The following RBM33 variants were observed in gnomAD, a reference collection of about 807,000 sequenced individuals.
RBM33 encodes RNA-binding protein 33.
Under a neutral mutation model 132.6 loss-of-function variants are expected in RBM33, and 28 were observed. The observed-to-expected ratio is 0.21, with a 90% CI of 0.16 to 0.29. RBM33 has a LOEUF of 0.29. Ranked by LOEUF, RBM33 falls within the 10% of genes least tolerant of loss-of-function variation. The probability of loss-of-function intolerance (pLI) is 1.00; values close to 1 mark genes in which losing one functional copy is unlikely to be tolerated. For missense variants in RBM33, 1,291 were observed against 1,518.5 expected (o/e 0.85, Z 2.49); for synonymous variants, 634 against 593.0 (o/e 1.07, Z -1.01).
At chr7:155,713,346 A>G (rs987174697) in intron 8 of RBM33, among the ~76,000 whole-genome samples, 5 of 152,082 alleles carry the variant, frequency 3.3e-5, no homozygotes, top group African/African-American at 1.2e-4. Context: ...CCCTCAAATG[A>G]GAGCCCTGGA....
chr7:155,670,833 A>G (rs535332430), intron 2 of RBM33, among the ~76,000 whole-genome samples: 61 of 152,260 alleles, frequency 4.0e-4, no homozygotes, highest in African/African-American at 1.5e-3. Context: ...ACTAGTCTTC[A>G]TTTTCTCTAC....
intron 9 of RBM33, among the ~76,000 whole-genome samples, chr7:155,729,731 T>C (rs988088473): frequency 2.8e-5 from 4 of 142,422 alleles, no homozygotes; most frequent in African/African-American, 1.1e-4. Flanking sequence ...AGCAAGACCC[T>C]GTCTCTTTAA....
rs867621281 is a variant in RBM33, at chr7:155,705,970, A to G, written c.740-890A>G. Reference sequence around the variant, plus strand: ...AGTTTTAAGAAAATAAATACAAAAAATTGAAATGATATGTATTAAATTGAG... The same window carrying G: ...AGTTTTAAGAAAATAAATACAAAAAGTTGAAATGATATGTATTAAATTGAG... On this transcript the variant is annotated intron_variant, in intron 6 of 17. Transcript: ENST00000401878. Among the ~76,000 whole-genome samples, 5 of 152,362 alleles carry G rather than the reference A, an allele frequency of 3.3e-5. No individual in the cohort carries two copies. The South Asian group carries it at 1.0e-3, about 32-fold the overall frequency.
At chr7:155,704,287 AGG>A (rs1450437270) in intron 6 of RBM33, among the ~76,000 whole-genome samples, 2 of 152,164 alleles carry the variant, frequency 1.3e-5, no homozygotes, top group Non-Finnish European at 2.9e-5. Context: ...TTGCTCTATC[AGG>A]ATTGTGGAAA....
In RBM33 at chr7:155,673,796, A is replaced by ACACACACACACC. The variant is rs1799074511; in HGVS notation, c.171+886_171+887insACACACCCACAC. ...CACACACACACACACACACACACAC[A>ACACACACACACC]CACACCCCTACCAGTATATTTCGGA... is the stretch of plus-strand genomic sequence containing the variant. On this transcript the variant is annotated intron_variant, in intron 3 of 17. Transcript: ENST00000401878. 2.1e-5 allele frequency among the ~76,000 whole-genome samples: 3 copies of ACACACACACACC among 142,892 alleles called. No individual in the cohort carries two copies. In the East Asian group the frequency reaches 5.8e-4, roughly 28 times the overall value. 93.7% of individuals were successfully genotyped at this position (142,892 alleles called of 152,430 possible). A position where few individuals can be genotyped will look rare whatever the true frequency, so the allele number is the denominator to read the frequency against.
At position 155,775,116 on chromosome 7, in the gene RBM33, A is replaced by G; in HGVS notation, c.*75A>G. On this transcript the variant is annotated 3_prime_UTR_variant, in exon 18 of 18. Transcript: ENST00000401878. ...CTTCAAGGGAGCTGCCGGCCGGCGC[A>G]GAACCCCCAGGAGCACAGGTCTCTC... is the stretch of plus-strand genomic sequence containing the variant. The G allele has an allele frequency of 7.6e-7, 1 of 1,316,624 alleles. No homozygotes were observed. Among genetic ancestry groups the G allele is most frequent in the South Asian group, 1.2e-5 (1 of 84,848 alleles). 81.6% of individuals were successfully genotyped at this position (1,316,624 alleles called of 1,614,324 possible). A position where few individuals can be genotyped will look rare whatever the true frequency, so the allele number is the denominator to read the frequency against.
chr7:155,712,464 ATTGT>A (rs1800334611), intron 8 of RBM33, among the ~76,000 whole-genome samples: 1 of 152,222 alleles, frequency 6.6e-6, no homozygotes, highest in African/African-American at 2.4e-5. Flanking sequence ...CAGTCTTATT[ATTGT>A]TTATTAGCAG....
rs1802756235 is a variant in RBM33 at position 155,779,919 on chromosome 7, T to C, written c.*4878T>C. On this transcript the variant is annotated 3_prime_UTR_variant, in exon 18 of 18. Coordinates refer to ENST00000401878, the MANE Select transcript of RBM33 (RefSeq NM_053043.3). Reference sequence around the variant, plus strand: ...GTCTTCATGTTGATATTTTGCTTGGTTTTATTTTACTGATTTTAAAAGGTA... The same window carrying C: ...GTCTTCATGTTGATATTTTGCTTGGCTTTATTTTACTGATTTTAAAAGGTA... The C allele has an allele frequency of 6.6e-6, 1 of 152,212 alleles. No individual in the cohort carries two copies. Among genetic ancestry groups the C allele is most frequent in the Admixed American group, 6.5e-5 (1 of 15,286 alleles). 9.4% of individuals were successfully genotyped at this position (152,212 alleles called of 1,614,324 possible).
At chr7:155,744,940 C>T (rs1438073095) in intron 13 of RBM33, 21 bp from the exon 14 acceptor site, 3 of 1,531,840 alleles carry the variant, frequency 2.0e-6, no homozygotes, top group Admixed American at 2.2e-5. Flanking sequence ...CAAAGTAAAC[C>T]GTGTATGTTT....
intron 14 of RBM33, among the ~76,000 whole-genome samples, chr7:155,756,423 TGAA>T (rs1801853327): frequency 6.6e-6 from 1 of 152,202 alleles, no homozygotes; most frequent in African/African-American, 2.4e-5. Flanking sequence ...TGTAATCAGT[TGAA>T]GAATTTGTTC....
rs1585566369 is a variant in RBM33, at chr7:155,780,549, T to C, written c.*5508T>C. 2 of 152,564 alleles carry C rather than the reference T, an allele frequency of 1.3e-5. No individual in the cohort carries two copies. The highest frequency in any genetic ancestry group is 1.3e-4 in the Admixed American group (2 of 15,308). The allele number at this position is 152,564 out of a possible 1,614,324, so 9.5% of individuals were successfully genotyped here. A position where few individuals can be genotyped will look rare whatever the true frequency, so the allele number is the denominator to read the frequency against. On this transcript the variant is annotated 3_prime_UTR_variant, in exon 18 of 18. Transcript: ENST00000401878. Reference sequence around the variant, plus strand: ...CTCTCCCTCTCTGTCCATTTCTGTTTTGCTTTCCTGGCTAAACCCATCTAC... The same window carrying C: ...CTCTCCCTCTCTGTCCATTTCTGTTCTGCTTTCCTGGCTAAACCCATCTAC...
In RBM33 at chr7:155,774,950, G is replaced by A. The variant is rs769653057; in HGVS notation, c.3465-43G>A. On this transcript the variant is annotated intron_variant, in intron 17 of 17. Coordinates refer to ENST00000401878, the MANE Select transcript of RBM33 (RefSeq NM_053043.3). This position sits in a 1 kb window ranked among gnomAD's most constrained non-coding sequence, Gnocchi z 4.2. The stretch of plus-strand genomic sequence containing the variant: ...CTCCCACCTTGGTAGGTTGATTGCC[G>A]ATGTGCAGGGTTAGTGTCGATCGTT... 22 of 1,592,286 alleles carry A rather than the reference G, an allele frequency of 1.4e-5. No homozygotes were observed. Among genetic ancestry groups the A allele is most frequent in the Middle Eastern group, 1.7e-4 (1 of 5,924 alleles).
chr7:155,721,403 G>T (rs1216165210), intron 9 of RBM33, among the ~76,000 whole-genome samples: 1 of 152,130 alleles, frequency 6.6e-6, no homozygotes, highest in Non-Finnish European at 1.5e-5. Flanking sequence ...TAAAGGGGGG[G>T]TGTGCTTTTT....
intron 1 of RBM33, among the ~76,000 whole-genome samples, chr7:155,649,744 C>T (rs1424507177): frequency 6.6e-6 from 1 of 152,106 alleles, no homozygotes; most frequent in Admixed American, 6.5e-5. Flanking sequence ...TATCATTGCC[C>T]AGCCAGTGAT....
chr7:155,702,142 A>G (rs1406693117), intron 6 of RBM33, among the ~76,000 whole-genome samples: 2 of 152,214 alleles, frequency 1.3e-5, no homozygotes, highest in Non-Finnish European at 2.9e-5. Flanking sequence ...CTAGATAAGA[A>G]TCAAGACTTA....
At chr7:155,694,125 G>A (rs1215459357) in intron 5 of RBM33, among the ~76,000 whole-genome samples, 1 of 152,044 alleles carries the variant, frequency 6.6e-6, no homozygotes, top group Admixed American at 6.5e-5. Context: ...CTCTGTTAAG[G>A]TCTATATTAG....
chr7:155,727,735 T>C (rs1585495267), intron 9 of RBM33, among the ~76,000 whole-genome samples: 1 of 152,246 alleles, frequency 6.6e-6, no homozygotes, highest in South Asian at 2.1e-4. Context: ...TTCTGTCCAA[T>C]AGCATCTGAC....
chr7:155,670,987 C>T (rs1048386531), intron 2 of RBM33, among the ~76,000 whole-genome samples: 7 of 149,938 alleles, frequency 4.7e-5, no homozygotes, highest in African/African-American at 1.5e-4. Context: ...TGTATAATTA[C>T]TAATGCCTGT....
At chr7:155,729,610 G>C (rs2117010261) in intron 9 of RBM33, among the ~76,000 whole-genome samples, 1 of 152,068 alleles carries the variant, frequency 6.6e-6, no homozygotes, top group Admixed American at 6.6e-5. Context: ...GGTGGCTCAT[G>C]CCTGTAGTCC....
Sources: allele counts gnomAD v4.1 joint callset (sites outside exome capture counted in the v4.1 genomes callset), GRCh38; gene constraint gnomAD v4.1.1; non-coding constraint Gnocchi (gnomAD v3.1); transcripts MANE v1.5; gene names NCBI Gene and HGNC (gene_info 2026-07-23, HGNC 2026-07-21).